The following JAM3 variants were observed in gnomAD, a reference collection of about 807,000 sequenced individuals.
The protein encoded by JAM3 is junctional adhesion molecule 3, also known as junctional adhesion molecule C.
Under a neutral mutation model 39.4 loss-of-function variants are expected in JAM3, and 31 were observed. The ratio of observed to expected loss-of-function variants is 0.79; its 90% CI spans 0.59 to 1.06. JAM3 has a LOEUF of 1.06. Ranked by LOEUF, JAM3 falls within the 50% of genes least tolerant of loss-of-function variation. The pLI is 0.00. For missense variants in JAM3, 455 were observed against 391.4 expected (o/e 1.16, Z -1.37); for synonymous variants, 182 against 148.7 (o/e 1.22, Z -1.63).
rs1943127997 is a variant in JAM3, at chr11:134,148,780, A to G, written c.859A>G (p.Lys287Glu). The change falls in exon 8 of 9, where the codon AAA becomes GAA. Residue 287 changes from lysine to glutamate, a missense_variant. Physicochemically the swap from Lys to Glu is moderately conservative, Grantham distance 56. Transcript: ENST00000299106. Reference sequence around the variant, plus strand: ...TCCTCATAGTTACAAGAACCCAGGGAAACCAGATGGAGTTAACTACATCCG... The same window carrying G: ...TCCTCATAGTTACAAGAACCCAGGGGAACCAGATGGAGTTAACTACATCCG... ...QDGESYKNPG[K>E]PDGVNYIRTD... 1.9e-6 allele frequency: 3 copies of G among 1,614,090 alleles called. No individual in the cohort carries two copies. Among genetic ancestry groups the G allele is most frequent in the Non-Finnish European group, 2.5e-6 (3 of 1,180,036 alleles).
chr11:134,069,105 C>T lies in JAM3; in HGVS notation c.22C>T (p.Arg8Ter). 1 of 1,612,106 alleles carries T rather than the reference C, an allele frequency of 6.2e-7. No individual in the cohort carries two copies. ...CGACATGGCGCTGAGGCGGCCACCG[C>T]GACTCCGGCTCTGCGCTCGGCTGCC... MALRRPP[R>*]LRLCARLPDF... The change falls in exon 1 of 9, where the codon CGA (arginine) becomes TGA (stop). Residue 8 changes from arginine to a stop codon, truncating the protein, a stop_gained. Transcript: ENST00000299106. LOFTEE classifies it high-confidence loss of function.
chr11:134,076,833 CTTTTTTTTTT>C (rs71038556), intron 1 of JAM3, among the ~76,000 whole-genome samples: 60 of 118,530 alleles, frequency 5.1e-4, no homozygotes, highest in Non-Finnish European at 7.8e-4. Flanking sequence ...ACATCTATTG[CTTTTTTTTTT>C]TTTTTTTTTT....
At chr11:134,092,054 C>T (rs536626594) in intron 1 of JAM3, among the ~76,000 whole-genome samples, 2 of 152,234 alleles carry the variant, frequency 1.3e-5, no homozygotes, top group Admixed American at 6.5e-5. Context: ...TTTTCATCCC[C>T]TTTCGCAGAA....
chr11:134,111,278 G>A (rs1251351012), intron 1 of JAM3, among the ~76,000 whole-genome samples: 1 of 151,272 alleles, frequency 6.6e-6, no homozygotes, highest in African/African-American at 2.4e-5. Context: ...CAAGTAGCTG[G>A]GACTACAGGC....
intron 1 of JAM3, among the ~76,000 whole-genome samples, chr11:134,113,639 G>C (rs1461068800): frequency 6.6e-6 from 1 of 152,162 alleles, no homozygotes; most frequent in Non-Finnish European, 1.5e-5. Context: ...TGTGAATAGT[G>C]CCGCAATAAA....
At chr11:134,104,439 T>C (rs1407684783) in intron 1 of JAM3, among the ~76,000 whole-genome samples, 3 of 151,852 alleles carry the variant, frequency 2.0e-5, no homozygotes, top group African/African-American at 7.3e-5. Flanking sequence ...AACATCACAA[T>C]TAAAAGAACT....
At chr11:134,137,412 T>C (rs1291008846) in intron 1 of JAM3, among the ~76,000 whole-genome samples, 2 of 152,204 alleles carry the variant, frequency 1.3e-5, no homozygotes, top group Non-Finnish European at 2.9e-5. Context: ...CTCTAGACTA[T>C]AAGCTCTCCC....
chr11:134,105,630 A>G (rs1222244563), intron 1 of JAM3, among the ~76,000 whole-genome samples: 2 of 152,252 alleles, frequency 1.3e-5, no homozygotes, highest in Admixed American at 1.3e-4. Context: ...AATCTCCTTA[A>G]GCTAATAAGC....
chr11:134,096,711 T>C (rs894917946), intron 1 of JAM3, among the ~76,000 whole-genome samples: 1 of 152,164 alleles, frequency 6.6e-6, no homozygotes, highest in African/African-American at 2.4e-5. Flanking sequence ...CCAGCTATGG[T>C]TTGCTTTGAA....
At chr11:134,082,896 A>G (rs1041815704) in intron 1 of JAM3, among the ~76,000 whole-genome samples, 1 of 152,212 alleles carries the variant, frequency 6.6e-6, no homozygotes, top group Non-Finnish European at 1.5e-5. Context: ...TGTCTGCTGA[A>G]ATAGATGCTA....
At chr11:134,095,031 A>G (rs1356310959) in intron 1 of JAM3, among the ~76,000 whole-genome samples, 1 of 152,240 alleles carries the variant, frequency 6.6e-6, no homozygotes, top group East Asian at 1.9e-4. Context: ...GTAGTGAATG[A>G]AAGTGTAATA....
At chr11:134,139,714 CTT>C (rs1305195936) in intron 1 of JAM3, 135 bp from the exon 2 acceptor site, 7 of 730,814 alleles carry the variant, frequency 9.6e-6, no homozygotes, top group Non-Finnish European at 1.7e-5. Flanking sequence ...ACCTAAGAGA[CTT>C]TATTGTGGAA....
intron 1 of JAM3, among the ~76,000 whole-genome samples, chr11:134,075,543 A>T (rs1365767851): frequency 2.0e-5 from 3 of 152,196 alleles, no homozygotes; most frequent in African/African-American, 7.2e-5. Context: ...ACAGGGTGGC[A>T]TAAATAAGAC....
In JAM3 at chr11:134,116,536, C is replaced by T. The variant is rs115434778; in HGVS notation, c.77-23315C>T. Reference sequence around the variant, plus strand: ...GGCCACTGGAAGCTCTTTCAGGTGGCTGGGATTTTTTGTCGTTGTTTGTTT... The same window carrying T: ...GGCCACTGGAAGCTCTTTCAGGTGGTTGGGATTTTTTGTCGTTGTTTGTTT... On this transcript the variant is annotated intron_variant, in intron 1 of 8. Coordinates refer to ENST00000299106, the MANE Select transcript of JAM3 (RefSeq NM_032801.5). Among the ~76,000 whole-genome samples, 1,108 of 152,212 alleles carry T rather than the reference C, an allele frequency of 7.3e-3. 9 individuals are homozygous for T. The highest frequency in any genetic ancestry group is 0.025 in the African/African-American group (1,041 of 41,516).
At chr11:134,134,988 T>G (rs1328273671) in intron 1 of JAM3, among the ~76,000 whole-genome samples, 1 of 152,190 alleles carries the variant, frequency 6.6e-6, no homozygotes, top group East Asian at 1.9e-4. Flanking sequence ...CTTTGATGTT[T>G]AAATTTTTTT....
chr11:134,125,244 C>T (rs1271786247), intron 1 of JAM3, among the ~76,000 whole-genome samples: 1 of 152,240 alleles, frequency 6.6e-6, no homozygotes, highest in Non-Finnish European at 1.5e-5. Flanking sequence ...CAACTTAGTT[C>T]CACATCTTCC....
chr11:134,113,786 T>A (rs1942367280), intron 1 of JAM3, among the ~76,000 whole-genome samples: 1 of 152,220 alleles, frequency 6.6e-6, no homozygotes, highest in South Asian at 2.1e-4. Context: ...CCACAACGGT[T>A]GAACTAGTTT....
chr11:134,098,912 A>G (rs970363467), intron 1 of JAM3, among the ~76,000 whole-genome samples: 9 of 152,144 alleles, frequency 5.9e-5, no homozygotes, highest in African/African-American at 2.2e-4. Context: ...TTTAAATGCA[A>G]CTAGGGAGAG....
chr11:134,104,482 G>A (rs181808213), intron 1 of JAM3, among the ~76,000 whole-genome samples: 1,547 of 152,200 alleles, frequency 0.01, 22 homozygotes, highest in African/African-American at 0.033. Flanking sequence ...TCAAAAGCTA[G>A]CAGAAGGCAA....
Sources: allele counts gnomAD v4.1 joint callset (sites outside exome capture counted in the v4.1 genomes callset), GRCh38; gene constraint gnomAD v4.1.1; transcripts MANE v1.5; gene names NCBI Gene and HGNC (gene_info 2026-07-23, HGNC 2026-07-21).